POLR3A: variants seen among roughly 807,000 people sequenced by gnomAD.
The protein encoded by POLR3A is RNA polymerase III subunit A.
A neutral mutation model predicts 152.8 loss-of-function variants in POLR3A; 112 were observed. The observed-to-expected ratio is 0.73, with a 90% CI of 0.63 to 0.86. The LOEUF is 0.86. POLR3A is among the 40% of genes least tolerant of loss of function. The pLI is 0.00. For synonymous variants in POLR3A, 615 were observed against 652.1 expected (o/e 0.94, Z 0.87); for missense variants, 1,385 against 1,743.1 (o/e 0.79, Z 3.66).
chr10:78,022,387 A>G lies in POLR3A; in HGVS notation c.646-3T>C, dbSNP rs1847588587. The G allele has an allele frequency of 6.2e-7, 1 of 1,613,420 alleles. No homozygotes were observed. The highest frequency in any genetic ancestry group is 2.2e-5 in the East Asian group (1 of 44,876). On this transcript the variant is annotated splice_region_variant and splice_polypyrimidine_tract_variant and intron_variant, in intron 5 of 30. Transcript: ENST00000372371. ...ACTACTAAGGGATTCAAGTTTTCCT[A>G]TGGAAACGAAGAAAGGCAGAAATGG...
chr10:78,002,118 T>C, intron 17 of POLR3A, 79 bp downstream of exon 17: 1 of 756,618 alleles, frequency 1.3e-6, no homozygotes, highest in Non-Finnish European at 2.3e-6. Context: ...TGTTTGGAGC[T>C]GTGACTATCA....
rs755424664 is a variant in POLR3A at position 77,982,294 on chromosome 10, C to G, written c.3619G>C (p.Val1207Leu). 1.2e-6 allele frequency: 2 copies of G among 1,613,928 alleles called. No individual in the cohort carries two copies. The highest frequency in any genetic ancestry group is 2.7e-5 in the African/African-American group (2 of 74,898). Reference sequence around the variant, plus strand: ...TCAATGTGGATGACAGCTCTGGACACCTCTGGAATGCCCTGCACCACCACC... The same window carrying G: ...TCAATGTGGATGACAGCTCTGGACAGCTCTGGAATGCCCTGCACCACCACC... ...PKVVVQGIPE[V>L]SRAVIHIDEQ... The change falls in exon 28 of 31, where the codon GTG (valine) becomes CTG (leucine). Residue 1207 changes from valine to leucine, a missense_variant. Physicochemically the swap from Val to Leu is conservative, Grantham distance 32 (BLOSUM62 1). Transcript: ENST00000372371.
At chr10:77,990,917 T>G in intron 21 of POLR3A, 137 bp downstream of exon 21, 1 of 672,436 alleles carries the variant, frequency 1.5e-6, no homozygotes, top group South Asian at 1.6e-5. Context: ...CCTGGCCCAT[T>G]CTTGAACTTT....
rs1374774428 is a variant in POLR3A, at chr10:77,982,804, G to A, written c.3443C>T (p.Thr1148Ile). 1 of 1,613,968 alleles carries A rather than the reference G, an allele frequency of 6.2e-7. No individual in the cohort carries two copies. Among genetic ancestry groups the A allele is most frequent in the Admixed American group, 1.7e-5 (1 of 60,008 alleles). Reference sequence around the variant, plus strand: ...GGATGTGCAGATGGAATATCTCACTGTCTCAGCGTTCACCTGCAACATGGC... The same window carrying A: ...GGATGTGCAGATGGAATATCTCACTATCTCAGCGTTCACCTGCAACATGGC... The part of the protein sequence containing the change: ...RLLRLEVNAE[T>I]VRYSICTSKL... Residue 1148 changes from threonine (T) to isoleucine (I), a missense_variant, in exon 27 of 31, where the codon ACA (threonine) becomes ATA (isoleucine). Around this residue, in one of 7 missense-constraint regions of POLR3A, gnomAD observed 332 missense variants for 400.1 expected, o/e 0.83. Transcript: ENST00000372371.
rs1207496191 is a variant in POLR3A at position 78,025,764 on chromosome 10, G to GA, written c.181-6dup. 4 of 1,613,828 alleles carry GA rather than the reference G, an allele frequency of 2.5e-6. No individual in the cohort carries two copies. Among genetic ancestry groups the GA allele is most frequent in the Non-Finnish European group, 3.4e-6 (4 of 1,179,836 alleles). ...ACGATCCTTCTCACTCGTACCCTTT[G>GA]AAAAAAAGCACACCCAATGATCAAC... On this transcript the variant is annotated splice_polypyrimidine_tract_variant and splice_region_variant and intron_variant, in intron 2 of 30. Coordinates refer to ENST00000372371, the MANE Select transcript of POLR3A (RefSeq NM_007055.4).
chr10:78,026,119 AG>A lies in POLR3A; in HGVS notation c.154del (p.Leu52TyrfsTer29). 2 of 1,614,162 alleles carry A rather than the reference AG, an allele frequency of 1.2e-6. No homozygotes were observed. Among genetic ancestry groups the A allele is most frequent in the Non-Finnish European group, 1.7e-6 (2 of 1,180,008 alleles). On this transcript the variant is annotated frameshift_variant, in exon 2 of 31. Coordinates refer to ENST00000372371, the MANE Select transcript of POLR3A (RefSeq NM_007055.4). LOFTEE classifies it high-confidence loss of function. ...CATCCTATGGTCGAGCACCCCATAT[AG>A]CAAGGGGGCATGTTGGTTGTCCTGG... is the stretch of plus-strand genomic sequence containing the variant. ...YSQDNQHAPL[L>X]YGVLDHRMGT...
chr10:78,023,801 CA>C (rs1589318865), intron 5 of POLR3A, among the ~76,000 whole-genome samples: 1 of 150,856 alleles, frequency 6.6e-6, no homozygotes, highest in East Asian at 1.9e-4. Context: ...AATAAATAAA[CA>C]AATATATAAA....
intron 27 of POLR3A, 92 bp downstream of exon 27, chr10:77,982,561 T>C: frequency 8.6e-7 from 1 of 1,164,282 alleles, no homozygotes; most frequent in Admixed American, 1.9e-5. Flanking sequence ...AATTAAGAAA[T>C]CGGACTAAGT....
chr10:77,997,913 A>T (rs1847317978), intron 19 of POLR3A, among the ~76,000 whole-genome samples: 1 of 152,130 alleles, frequency 6.6e-6, no homozygotes, highest in African/African-American at 2.4e-5. Flanking sequence ...ACACAAGGCT[A>T]CAGTAACCAA....
chr10:77,982,038 CAA>C (rs553149963), intron 28 of POLR3A, 114 bp downstream of exon 28: 11,348 of 240,698 alleles, frequency 0.047, no homozygotes, highest in Middle Eastern at 0.066. Flanking sequence ...GACTCCATCT[CAA>C]AAAAAAAAAA....
At chr10:78,000,920 G>A in intron 18 of POLR3A, 56 bp downstream of exon 18, 1 of 913,564 alleles carries the variant, frequency 1.1e-6, no homozygotes, top group Non-Finnish European at 1.8e-6. Flanking sequence ...GTGTTCCTTG[G>A]AGGAAAGTGT....
At position 77,982,138 on chromosome 10, in the gene POLR3A, G is replaced by A. The variant is rs553775684; in HGVS notation, c.3759+16C>T. The A allele has an allele frequency of 3.3e-5, 53 of 1,609,482 alleles. No individual in the cohort carries two copies. Among genetic ancestry groups the A allele is most frequent in the Middle Eastern group, 1.7e-4 (1 of 6,010 alleles). On this transcript the variant is annotated intron_variant, in intron 28 of 30. Transcript: ENST00000372371. ...GACAGCCTAACCCTAAGGCGACCCC[G>A]TGGGCTGAGTGGTACCTCATAGGTG...
chr10:78,029,469 C>T lies in POLR3A; in HGVS notation c.-62G>A. Reference sequence around the variant, plus strand: ...AGGCCAGATTAGAGAAACGATGCCCCCAGCACCTCCTGGGGCTGCTTCTGG... The same window carrying T: ...AGGCCAGATTAGAGAAACGATGCCCTCAGCACCTCCTGGGGCTGCTTCTGG... On this transcript the variant is annotated 5_prime_UTR_variant, in exon 1 of 31. Coordinates refer to ENST00000372371, the MANE Select transcript of POLR3A (RefSeq NM_007055.4). 1 of 1,560,844 alleles carries T rather than the reference C, an allele frequency of 6.4e-7. No homozygotes were observed. Among genetic ancestry groups the T allele is most frequent in the South Asian group, 1.1e-5 (1 of 89,956 alleles).
chr10:77,978,851 A>G (rs1424440462), intron 30 of POLR3A, among the ~76,000 whole-genome samples: 1 of 150,268 alleles, frequency 6.7e-6, no homozygotes, highest in African/African-American at 2.5e-5. Context: ...TTTAGTAGAG[A>G]CGGGGTCTCA....
At position 77,982,262 on chromosome 10, in the gene POLR3A, C is replaced by T; in HGVS notation, c.3651G>A (p.Gln1217=). The T allele has an allele frequency of 6.2e-7, 1 of 1,613,792 alleles. No homozygotes were observed. Among genetic ancestry groups the T allele is most frequent in the East Asian group, 2.2e-5 (1 of 44,866 alleles). ...GAAGCTTGTACTTCTCCTTTCCACTCTGCTCGTCAATGTGGATGACAGCTC... is the reference window on the plus strand; with the variant it reads ...GAAGCTTGTACTTCTCCTTTCCACTTTGCTCGTCAATGTGGATGACAGCTC... ...VSRAVIHIDE[Q]SGKEKYKLLV... Residue 1217 remains glutamine, a synonymous_variant, in exon 28 of 31, where the codon CAG becomes CAA. Coordinates refer to ENST00000372371, the MANE Select transcript of POLR3A (RefSeq NM_007055.4).
rs1031777862 is a variant in POLR3A at position 77,982,728 on chromosome 10, C to T, written c.3519G>A (p.Val1173=). The T allele has an allele frequency of 4.2e-5, 68 of 1,613,662 alleles. No individual in the cohort carries two copies. Among genetic ancestry groups the T allele is most frequent in the Non-Finnish European group, 5.6e-5 (66 of 1,179,750 alleles). Reference sequence around the variant, plus strand: ...TGCTGTTCTCTCTGGGGGTGACACACACCACAGCCTCACCATGAACAGCCA... The same window carrying T: ...TGCTGTTCTCTCTGGGGGTGACACATACCACAGCCTCACCATGAACAGCCA... ...GDVAVHGEAV[V]CVTPRENSKS... Residue 1173 remains valine, a synonymous_variant, in exon 27 of 31, where the codon GTG becomes GTA. Coordinates refer to ENST00000372371, the MANE Select transcript of POLR3A (RefSeq NM_007055.4).
intron 16 of POLR3A, among the ~76,000 whole-genome samples, chr10:78,003,971 T>C (rs1325654779): frequency 4.0e-5 from 6 of 151,614 alleles, no homozygotes; most frequent in African/African-American, 9.7e-5. Flanking sequence ...CGTAGTGGCT[T>C]ACACCTGTAA....
chr10:78,010,568 A>G (rs749997866), intron 11 of POLR3A, 28 bp from the exon 12 acceptor site: 2 of 1,576,368 alleles, frequency 1.3e-6, no homozygotes, highest in South Asian at 2.2e-5. Flanking sequence ...GCAGTCAGTT[A>G]GCTGTTCTCG....
chr10:77,982,461 C>T (rs1449655454), intron 27 of POLR3A, 143 bp from the exon 28 acceptor site: 3 of 933,964 alleles, frequency 3.2e-6, no homozygotes, highest in Non-Finnish European at 3.5e-6. Context: ...AGAAGTTGTT[C>T]AGGGGACTGC....
Sources: gnomAD v4.1 joint callset for allele counts (sites outside exome capture counted in the v4.1 genomes callset) on GRCh38, gnomAD v4.1.1 for gene constraint, gnomAD v4.1.1 regional missense constraint, MANE v1.5 for transcripts, NCBI Gene and HGNC (gene_info 2026-07-23, HGNC 2026-07-21) for gene names.